The following ELAC1 variants were observed in gnomAD, a reference collection of about 807,000 sequenced individuals.
ELAC1 encodes zinc phosphodiesterase ELAC protein 1.
ELAC1 carries 19 observed loss-of-function variants against 25.8 expected under a neutral mutation model. The observed-to-expected ratio is 0.74, with a 90% CI of 0.51 to 1.08. ELAC1 has a LOEUF of 1.08. Ranked by LOEUF, ELAC1 falls within the 50% of genes least tolerant of loss-of-function variation. The pLI is 0.00. For synonymous variants in ELAC1, 148 were observed against 160.9 expected, an observed-to-expected ratio of 0.92 and a Z score of 0.61; for missense variants, 403 against 434.6, an observed-to-expected ratio of 0.93 and a Z score of 0.65.
intron 2 of ELAC1, among the ~76,000 whole-genome samples, chr18:50,979,681 G>A (rs557309528): frequency 2.6e-5 from 4 of 152,226 alleles, no homozygotes; most frequent in African/African-American, 7.2e-5. Flanking sequence ...ATCACCTAAA[G>A]TATCCACCAC....
chr18:50,970,303 G>T (rs994516707), intron 1 of ELAC1, among the ~76,000 whole-genome samples: 1 of 152,118 alleles, frequency 6.6e-6, no homozygotes, highest in African/African-American at 2.4e-5. Flanking sequence ...ATATGCCCCC[G>T]GGGTTATGTA....
At chr18:50,975,117 C>G (rs72913217) in intron 2 of ELAC1, among the ~76,000 whole-genome samples, 6,832 of 152,196 alleles carry the variant, frequency 0.045, 181 homozygotes, top group Non-Finnish European at 0.071. Context: ...TGGTGAAAAG[C>G]TTCAGCTCAG....
At position 50,987,813 on chromosome 18, in the gene ELAC1, C is replaced by T. The variant is rs1402582622; in HGVS notation, c.*728C>T. 6 of 152,098 alleles carry T rather than the reference C, an allele frequency of 3.9e-5. No individual in the cohort carries two copies. The allele number at this position is 152,098 out of a possible 1,614,324, so 9.4% of individuals were successfully genotyped here. A position where few individuals can be genotyped will look rare whatever the true frequency, so the allele number is the denominator to read the frequency against. On this transcript the variant is annotated 3_prime_UTR_variant, in exon 4 of 4. Transcript: ENST00000269466. ...GTTAGCTGTCCTGCAAAGTTTTGGT[C>T]AGTCATATACAATAAAGAATCATCT...
intron 3 of ELAC1, 114 bp from the exon 4 acceptor site, chr18:50,986,501 CATTT>C (rs34377573): frequency 0.034 from 26,991 of 802,820 alleles, 2,034 homozygotes; most frequent in African/African-American, 0.24. Flanking sequence ...AGTAGTAAAA[CATTT>C]ATAACAATTA....
intron 1 of ELAC1, among the ~76,000 whole-genome samples, chr18:50,972,230 T>C (rs1450505583): frequency 1.3e-5 from 2 of 152,112 alleles, no homozygotes; most frequent in Non-Finnish European, 2.9e-5. Flanking sequence ...GAACACGTTA[T>C]TGGATTTTTT....
intron 1 of ELAC1, among the ~76,000 whole-genome samples, chr18:50,970,903 AT>A (rs1599143086): frequency 6.6e-6 from 1 of 152,052 alleles, no homozygotes; most frequent in Non-Finnish European, 1.5e-5. Context: ...TCTTACATAA[AT>A]GTAGGGGTTT....
At chr18:50,975,104 C>T (rs551381667) in intron 2 of ELAC1, among the ~76,000 whole-genome samples, 110 of 152,086 alleles carry the variant, frequency 7.2e-4, no homozygotes, top group Non-Finnish European at 1.2e-3. Context: ...TAGAGCAGTC[C>T]AGTGGTGAAA....
intron 2 of ELAC1, 74 bp from the exon 3 acceptor site, chr18:50,984,022 T>C: frequency 3.3e-6 from 3 of 910,548 alleles, no homozygotes; most frequent in Admixed American, 2.7e-5. Flanking sequence ...TTGTTAGGCT[T>C]GTTTCAAATA....
intron 1 of ELAC1, 69 bp from the exon 2 acceptor site, chr18:50,974,328 T>G (rs1216322716): frequency 7.2e-7 from 1 of 1,392,432 alleles, no homozygotes; most frequent in African/African-American, 1.5e-5. Context: ...ATAATAGAGA[T>G]AAATATTACA....
intron 1 of ELAC1, among the ~76,000 whole-genome samples, chr18:50,972,064 T>C (rs966269347): frequency 1.7e-5 from 1 of 59,134 alleles, no homozygotes; most frequent in Non-Finnish European, 3.9e-5. Context: ...TTTTTTCAGG[T>C]TTTTTTTCTT....
rs763283507 is a variant in ELAC1, at chr18:50,984,526, C to A, written c.588C>A (p.Arg196=). 1.9e-6 allele frequency: 3 copies of A among 1,614,074 alleles called. No individual in the cohort carries two copies. In the South Asian group the frequency reaches 3.3e-5, roughly 18 times the overall value. The change falls in exon 3 of 4, where the codon CGC becomes CGA. Residue 196 remains arginine (R), a synonymous_variant. Coordinates refer to ENST00000269466, the MANE Select transcript of ELAC1 (RefSeq NM_018696.3). The stretch of plus-strand genomic sequence containing the variant: ...GGTTTTCAGTCGTGGAAAAGAAACG[C>A]CCAGGTAAACTCAATGCACAGAAAC... ...SFGFSVVEKK[R]PGKLNAQKLK... is the part of the protein sequence containing the mutation.
chr18:50,970,625 T>C (rs1306551513), intron 1 of ELAC1, among the ~76,000 whole-genome samples: 1 of 150,318 alleles, frequency 6.7e-6, no homozygotes, highest in Non-Finnish European at 1.5e-5. Flanking sequence ...AGGGGCTGTT[T>C]CCCAAAATGG....
In ELAC1 at chr18:50,971,910, G is replaced by GTGTATATATATATATATATATATATA. The variant is rs1907666049; in HGVS notation, c.-8-2485_-8-2460dup. 2.0e-4 allele frequency among the ~76,000 whole-genome samples: 13 copies of GTGTATATATATATATATATATATATA among 64,172 alleles called. No individual in the cohort carries two copies. The South Asian group carries it at 4.8e-3, about 24-fold the overall frequency. 42.1% of individuals were successfully genotyped at this position (64,172 alleles called of 152,430 possible). A position where few individuals can be genotyped will look rare whatever the true frequency, so the allele number is the denominator to read the frequency against. ...TATATGTATATATGTGTGTGTGTGTGTGTATATATATATATATATATATAT... is the reference window on the plus strand; with the variant it reads ...TATATGTATATATGTGTGTGTGTGTGTGTATATATATATATATATATATATATGTATATATATATATATATATATAT... On this transcript the variant is annotated intron_variant, in intron 1 of 3. Transcript: ENST00000269466.
intron 2 of ELAC1, among the ~76,000 whole-genome samples, chr18:50,983,864 A>G (rs938062346): frequency 2.0e-5 from 3 of 152,012 alleles, no homozygotes; most frequent in Non-Finnish European, 4.4e-5. Context: ...TTAAAAAAAA[A>G]AAAACTATTA....
intron 1 of ELAC1, among the ~76,000 whole-genome samples, chr18:50,970,744 AT>A (rs1460722282): frequency 6.6e-6 from 1 of 152,180 alleles, no homozygotes; most frequent in African/African-American, 2.4e-5. Flanking sequence ...TTTAAAAAAA[AT>A]AAAATGCCAC....
chr18:50,976,264 G>A (rs1259488628), intron 2 of ELAC1, among the ~76,000 whole-genome samples: 2 of 152,104 alleles, frequency 1.3e-5, no homozygotes, highest in Non-Finnish European at 2.9e-5. Context: ...CCAGTTCCAA[G>A]GCAATTGCAG....
intron 2 of ELAC1, among the ~76,000 whole-genome samples, chr18:50,976,595 ATAATGGGAGC>A (rs1907801732): frequency 1.3e-5 from 2 of 152,096 alleles, no homozygotes; most frequent in African/African-American, 2.4e-5. Flanking sequence ...ACATGTGGGG[ATAATGGGAGC>A]TACAATTCAA....
At chr18:50,970,237 G>T (rs1907615799) in intron 1 of ELAC1, among the ~76,000 whole-genome samples, 2 of 152,126 alleles carry the variant, frequency 1.3e-5, no homozygotes, top group African/African-American at 4.8e-5. Flanking sequence ...TTACAAGCAG[G>T]AGCCACCGTA....
intron 2 of ELAC1, among the ~76,000 whole-genome samples, chr18:50,980,944 T>G (rs892420956): frequency 3.3e-5 from 5 of 152,046 alleles, no homozygotes; most frequent in Non-Finnish European, 5.9e-5. Context: ...CATTATTTGA[T>G]TCATTGAAAC....
Sources: allele counts gnomAD v4.1 joint callset (sites outside exome capture counted in the v4.1 genomes callset), GRCh38; gene constraint gnomAD v4.1.1; transcripts MANE v1.5; gene names NCBI Gene and HGNC (gene_info 2026-07-23, HGNC 2026-07-21).